Variants in LIMCH1 observed in about 807,000 individuals in gnomAD.
LIMCH1 encodes LIM and calponin homology domains 1.
A neutral mutation model predicts 176.5 loss-of-function variants in LIMCH1; 113 were observed. The ratio of observed to expected loss-of-function variants is 0.64; its 90% CI spans 0.55 to 0.75. LIMCH1 has a LOEUF of 0.75. LIMCH1 is among the 30% of genes least tolerant of loss of function. LIMCH1 has a pLI of 0.00. For missense variants in LIMCH1, 1,674 were observed against 1,814.9 expected (o/e 0.92, Z 1.41); for synonymous variants, 619 against 645.9 (o/e 0.96, Z 0.63).
intron 1 of LIMCH1, among the ~76,000 whole-genome samples, chr4:41,371,517 C>A (rs2053960008): frequency 6.6e-6 from 1 of 152,124 alleles, no homozygotes; most frequent in Non-Finnish European, 1.5e-5. Context: ...ATGCTGAGAT[C>A]CAGACTGGAA....
intron 1 of LIMCH1, among the ~76,000 whole-genome samples, chr4:41,447,092 T>C (rs946185837): frequency 2.0e-5 from 3 of 152,080 alleles, no homozygotes; most frequent in African/African-American, 7.2e-5. Flanking sequence ...TAGCTGGGCA[T>C]GGTGGCATGT....
intron 1 of LIMCH1, among the ~76,000 whole-genome samples, chr4:41,494,034 G>C (rs1379742213): frequency 1.3e-5 from 2 of 152,088 alleles, no homozygotes; most frequent in Non-Finnish European, 2.9e-5. Flanking sequence ...TTGAAAGTGT[G>C]CATGGGGTGG....
At chr4:41,590,641 C>G (rs2087368845) in intron 1 of LIMCH1, among the ~76,000 whole-genome samples, 1 of 152,172 alleles carries the variant, frequency 6.6e-6, no homozygotes, top group African/African-American at 2.4e-5. Flanking sequence ...TGTGCTTCTG[C>G]TCATTTCCCA....
rs186356050 is a variant in LIMCH1, at chr4:41,449,481, G to T, written c.97-45055G>T. Reference sequence around the variant, plus strand: ...TTTGTTTCCCATTTTAGGCCCCAGGGATTGGACTTGTACCTTGCTTACATT... The same window carrying T: ...TTTGTTTCCCATTTTAGGCCCCAGGTATTGGACTTGTACCTTGCTTACATT... On this transcript the variant is annotated intron_variant, in intron 1 of 26. Coordinates refer to the LIMCH1 transcript ENST00000313860. Among the ~76,000 whole-genome samples the T allele has an allele frequency of 8.4e-4, 128 of 152,200 alleles. 2 individuals carry two copies. Among genetic ancestry groups the T allele is most frequent in the Admixed American group, 6.8e-3 (104 of 15,274 alleles).
chr4:41,498,243 G>A (rs117950739), intron 2 of LIMCH1, among the ~76,000 whole-genome samples: 1,953 of 152,250 alleles, frequency 0.013, 82 homozygotes, highest in East Asian at 0.12. Flanking sequence ...TACAGAGACA[G>A]GAGAGAGAAA....
intron 1 of LIMCH1, among the ~76,000 whole-genome samples, chr4:41,390,237 A>AGG (rs1176560793): frequency 1.1e-4 from 14 of 125,626 alleles, no homozygotes; most frequent in South Asian, 5.2e-4. Flanking sequence ...CATCTCTCTC[A>AGG]GGGAGAGAGA....
chr4:41,525,772 T>A (rs1470952910), intron 3 of LIMCH1, among the ~76,000 whole-genome samples: 1 of 152,074 alleles, frequency 6.6e-6, no homozygotes, highest in Admixed American at 6.5e-5. Flanking sequence ...TCAATTATTT[T>A]AAAACATTTA....
chr4:41,514,450 G>A (rs2075342225), intron 2 of LIMCH1, among the ~76,000 whole-genome samples: 1 of 152,190 alleles, frequency 6.6e-6, no homozygotes, highest in Non-Finnish European at 1.5e-5. Context: ...CAGTTCAGGG[G>A]AGGAAGCAGT....
chr4:41,379,012 GTTAAAAGTTTT>G (rs1223511943), intron 1 of LIMCH1, among the ~76,000 whole-genome samples: 1 of 152,200 alleles, frequency 6.6e-6, no homozygotes, highest in East Asian at 1.9e-4. Flanking sequence ...CAAGAAAACT[GTTAAAAGTTTT>G]TTGATGGTGA....
intron 1 of LIMCH1, among the ~76,000 whole-genome samples, chr4:41,577,049 A>G (rs933074450): frequency 2.6e-5 from 4 of 152,174 alleles, no homozygotes; most frequent in African/African-American, 4.8e-5. Flanking sequence ...GACTTTTCCT[A>G]TAGGTGAGCT....
At chr4:41,460,466 A>ATATATATATATATATATATATATC (rs2065195146) in intron 1 of LIMCH1, among the ~76,000 whole-genome samples, 1 of 139,066 alleles carries the variant, frequency 7.2e-6, no homozygotes, top group African/African-American at 3.0e-5. Context: ...ATCTATATAT[A>ATATATATATATATATATATATATC]TATATATATA....
At chr4:41,691,078 G>A (rs2153083316) in intron 30 of LIMCH1, among the ~76,000 whole-genome samples, 1 of 152,196 alleles carries the variant, frequency 6.6e-6, no homozygotes, top group Middle Eastern at 3.4e-3. Context: ...GATTCTCAAG[G>A]GTCAGGAGAC....
chr4:41,553,617 T>C (rs544292247), intron 1 of LIMCH1, among the ~76,000 whole-genome samples: 1 of 152,040 alleles, frequency 6.6e-6, no homozygotes, highest in Non-Finnish European at 1.5e-5. Flanking sequence ...TCCCTCTTCA[T>C]GGTGATTAAA....
At chr4:41,652,145 C>A (rs182623782) in intron 18 of LIMCH1, among the ~76,000 whole-genome samples, 1 of 152,272 alleles carries the variant, frequency 6.6e-6, no homozygotes, top group East Asian at 1.9e-4. Context: ...CTTCCGGCAC[C>A]AAGGGAGCTG....
Position 41,361,335 on chromosome 4 carries a change from T to A in LIMCH1, c.96+399T>A, listed in dbSNP as rs2052010509. 2.0e-5 allele frequency among the ~76,000 whole-genome samples: 3 copies of A among 152,158 alleles called. No homozygotes were observed. The South Asian group carries it at 6.2e-4, about 32-fold the overall frequency. On this transcript the variant is annotated intron_variant, in intron 1 of 26. Transcript: ENST00000313860. The stretch of plus-strand genomic sequence containing the variant: ...CCAGAGACTTCACCGGTGCTCGCAT[T>A]TCGGGGTATCTTGCTTCTGGTCCCA...
chr4:41,541,178 A>G (rs1254417890), intron 1 of LIMCH1, among the ~76,000 whole-genome samples: 1 of 152,228 alleles, frequency 6.6e-6, no homozygotes, highest in Admixed American at 6.5e-5. Flanking sequence ...GTGAAATGTA[A>G]AGAAGCACAG....
Position 41,584,371 on chromosome 4 carries a change from A to G in LIMCH1, c.-240-14549A>G, listed in dbSNP as rs910199998. Among the ~76,000 whole-genome samples, 6 of 152,166 alleles carry G rather than the reference A, an allele frequency of 3.9e-5. 1 individual carries two copies. The highest frequency in any genetic ancestry group is 1.3e-4 in the Admixed American group (2 of 15,272). Reference sequence around the variant, plus strand: ...AGAGTGTGATGACTATTTGACTCCTATTTGAATATGATGTGAAAATACAAA... The same window carrying G: ...AGAGTGTGATGACTATTTGACTCCTGTTTGAATATGATGTGAAAATACAAA... On this transcript the variant is annotated intron_variant, in intron 1 of 31. Coordinates refer to ENST00000503057, the MANE Select transcript of LIMCH1 (RefSeq NM_001330672.2).
chr4:41,467,273 T>C (rs181965502), intron 1 of LIMCH1, among the ~76,000 whole-genome samples: 2 of 152,158 alleles, frequency 1.3e-5, no homozygotes, highest in East Asian at 3.9e-4. Flanking sequence ...TTGTGAATAA[T>C]GCTGCTTTGA....
intron 1 of LIMCH1, among the ~76,000 whole-genome samples, chr4:41,595,911 A>G (rs1372672147): frequency 6.6e-6 from 1 of 151,974 alleles, no homozygotes; most frequent in African/African-American, 2.4e-5. Flanking sequence ...TTAGCCAGGC[A>G]TGGTGGCTCA....
Sources: allele counts gnomAD v4.1 joint callset (sites outside exome capture counted in the v4.1 genomes callset), GRCh38; gene constraint gnomAD v4.1.1; transcripts MANE v1.5; gene names NCBI Gene and HGNC (gene_info 2026-07-23, HGNC 2026-07-21).